GRM6: variants seen among roughly 807,000 people sequenced by gnomAD.
GRM6 encodes the protein metabotropic glutamate receptor 6.
Under a neutral mutation model 78.4 loss-of-function variants are expected in GRM6, and 73 were observed. The ratio of observed to expected loss-of-function variants is 0.93; its 90% CI spans 0.77 to 1.13. The LOEUF (loss-of-function observed/expected upper bound fraction) is 1.13. Among genes scored for constraint, GRM6 ranks in the 50% most tolerant of loss-of-function variants. The pLI, the probability that GRM6 is intolerant of heterozygous loss-of-function variation, is 0.00. For missense variants in GRM6, 1,251 were observed against 1,256.4 expected (o/e 1.00, Z 0.07); for synonymous variants, 580 against 555.0 (o/e 1.05, Z -0.63).
intron 7 of GRM6, 67 bp from the exon 8 acceptor site, chr5:178,987,050 C>A: frequency 6.7e-7 from 1 of 1,502,638 alleles, no homozygotes; most frequent in Non-Finnish European, 9.1e-7. Flanking sequence ...TGGGGAGGCC[C>A]CAGGGACCAG....
In GRM6 at chr5:178,991,145, G is replaced by A. The variant is rs1390157899; in HGVS notation, c.857+279C>T. On this transcript the variant is annotated intron_variant, in intron 4 of 10. Coordinates refer to ENST00000517717, the MANE Select transcript of GRM6 (RefSeq NM_000843.4). This position sits in a 1 kb window ranked among gnomAD's most constrained non-coding sequence, Gnocchi z 5.0. ...CTCCTTCCCTCACAGCTCATTTTCT[G>A]CACTAGGTTCTGCCCACAGGTCCCT... Among the ~76,000 whole-genome samples, 1 of 152,046 alleles carries A rather than the reference G, an allele frequency of 6.6e-6. No homozygotes were observed. Among genetic ancestry groups the A allele is most frequent in the Non-Finnish European group, 1.5e-5 (1 of 68,010 alleles).
rs750288457 is a variant in GRM6 at position 178,986,762 on chromosome 5, C to T, written c.1501-9G>A. ...CACTGCAGGGCCTCCACCTGGGACG[C>T]ACAAAACACAGGCTGGGGCGTCTGC... On this transcript the variant is annotated splice_polypyrimidine_tract_variant and intron_variant, in intron 8 of 10. Coordinates refer to ENST00000517717, the MANE Select transcript of GRM6 (RefSeq NM_000843.4). The T allele has an allele frequency of 3.1e-6, 5 of 1,609,410 alleles. No individual in the cohort carries two copies. The Admixed American group carries it at 6.7e-5, about 21-fold the overall frequency.
chr5:178,985,627 C>CA (rs1554113514), intron 9 of GRM6: 8 of 368,204 alleles, frequency 2.2e-5, no homozygotes, highest in Admixed American at 1.4e-4. Context: ...GGCGTGAACC[C>CA]GGAAGGCAGA....
intron 10 of GRM6, 139 bp downstream of exon 10, chr5:178,982,771 G>A: frequency 1.5e-6 from 1 of 677,874 alleles, no homozygotes; most frequent in Non-Finnish European, 2.7e-6. Flanking sequence ...AATGAACAAA[G>A]TAAGAAGGGA....
Position 178,986,727 on chromosome 5 carries a change from G to A in GRM6, c.1527C>T (p.Asp509=). Reference sequence around the variant, plus strand: ...ACAGAGACGAGGGCACCTCGTGGGGGTCGCCAGACCACTGCAGGGCCTCCA... The same window carrying A: ...ACAGAGACGAGGGCACCTCGTGGGGATCGCCAGACCACTGCAGGGCCTCCA... ...LDVEALQWSG[D]PHEVPSSLCS... is the part of the protein sequence containing the mutation. The change falls in exon 9 of 11, where the codon GAC becomes GAT. Residue 509 remains aspartate, a synonymous_variant. Transcript: ENST00000517717. 6.2e-7 allele frequency: 1 copy of A among 1,605,406 alleles called. No individual in the cohort carries two copies. Among genetic ancestry groups the A allele is most frequent in the Middle Eastern group, 1.7e-4 (1 of 6,058 alleles).
At chr5:178,995,230 G>C (rs1760756392) in intron 1 of GRM6, 46 bp downstream of exon 1, 1 of 164,990 alleles carries the variant, frequency 6.1e-6, no homozygotes, top group Non-Finnish European at 1.3e-5. Flanking sequence ...TCTTCCTCGG[G>C]GTCCATCCCC....
chr5:178,980,599 T>C lies in GRM6; in HGVS notation c.*1058A>G. The C allele has an allele frequency of 6.5e-6, 1 of 154,342 alleles. No individual in the cohort carries two copies. Among genetic ancestry groups the C allele is most frequent in the Non-Finnish European group, 1.5e-5 (1 of 68,152 alleles). The allele number at this position is 154,342 out of a possible 1,614,324, so 9.6% of individuals were successfully genotyped here. On this transcript the variant is annotated 3_prime_UTR_variant, in exon 11 of 11. Coordinates refer to ENST00000517717, the MANE Select transcript of GRM6 (RefSeq NM_000843.4). This position sits in a 1 kb window ranked among gnomAD's most constrained non-coding sequence, Gnocchi z 4.3. ...ATCACTAACATTACACACGTGTATC[T>C]GAATTTCTTCAGGTTTGGGGGTTTT...
chr5:178,984,612 G>C (rs948919432), intron 9 of GRM6, among the ~76,000 whole-genome samples: 5 of 152,126 alleles, frequency 3.3e-5, no homozygotes, highest in Non-Finnish European at 7.3e-5. Context: ...ACCTGAGGGT[G>C]GGGGAGCAGG....
intron 9 of GRM6, chr5:178,985,799 A>G (rs985820132): frequency 3.9e-6 from 2 of 516,064 alleles, no homozygotes; most frequent in African/African-American, 3.9e-5. Context: ...TCTTACTCTG[A>G]CACCCAAGCT....
At position 178,991,592 on chromosome 5, in the gene GRM6, T is replaced by TGCCCCC; in HGVS notation, c.722-34_722-33insGGGGGC. 1 of 1,605,606 alleles carries TGCCCCC rather than the reference T, an allele frequency of 6.2e-7. No individual in the cohort carries two copies. Among genetic ancestry groups the TGCCCCC allele is most frequent in the African/African-American group, 1.3e-5 (1 of 74,740 alleles). The stretch of plus-strand genomic sequence containing the variant: ...TTGGGGGTGCCAGAGTCAGCTTCCG[T>TGCCCCC]CCCACCCACCCACACACCCACCTGG... On this transcript the variant is annotated intron_variant, in intron 3 of 10. Transcript: ENST00000517717. This position sits in a 1 kb window ranked among gnomAD's most constrained non-coding sequence, Gnocchi z 5.0.
At chr5:178,987,086 C>T in intron 7 of GRM6, 103 bp from the exon 8 acceptor site, 6 of 1,167,954 alleles carry the variant, frequency 5.1e-6, no homozygotes, top group Non-Finnish European at 7.4e-6. Flanking sequence ...GCTTAACAAG[C>T]ATCACTGCTC....
rs1760566501 is a variant in GRM6, at chr5:178,986,707, G to C, written c.1547C>G (p.Ser516Cys). 1.9e-6 allele frequency: 3 copies of C among 1,604,640 alleles called. No homozygotes were observed. The highest frequency in any genetic ancestry group is 1.3e-5 in the African/African-American group (1 of 74,932). ...CGGCCCGCAGGGCAGGCTGCACAGA[G>C]ACGAGGGCACCTCGTGGGGGTCGCC... ...WSGDPHEVPS[S>C]LCSLPCGPGE... Residue 516 changes from serine to cysteine, a missense_variant, in exon 9 of 11, where the codon TCT becomes TGT. By Grantham distance (112) the Ser-to-Cys change is moderately radical. Coordinates refer to ENST00000517717, the MANE Select transcript of GRM6 (RefSeq NM_000843.4).
chr5:178,994,747 C>T lies in GRM6; in HGVS notation c.198G>A (p.Val66=), dbSNP rs1207859506. The T allele has an allele frequency of 2.8e-6, 4 of 1,438,676 alleles. No individual in the cohort carries two copies. Among genetic ancestry groups the T allele is most frequent in the Non-Finnish European group, 3.7e-6 (4 of 1,094,078 alleles). The allele number at this position is 1,438,676 out of a possible 1,614,324, so 89.1% of individuals were successfully genotyped here. The change falls in exon 2 of 11, where the codon GTG becomes GTA. Residue 66 remains valine (V), a synonymous_variant. Transcript: ENST00000517717. The stretch of plus-strand genomic sequence containing the variant: ...CGTACAGCATGGCCTCCAGCCGGTG[C>T]ACGCCCTGCTCCTTCTTCAGCTGCC... ...ACGQLKKEQG[V]HRLEAMLYAL...
Position 178,991,298 on chromosome 5 carries a change from A to C in GRM6, c.857+126T>G. 14 of 889,858 alleles carry C rather than the reference A, an allele frequency of 1.6e-5. No individual in the cohort carries two copies. Among genetic ancestry groups the C allele is most frequent in the Non-Finnish European group, 2.0e-5 (11 of 548,744 alleles). The allele number at this position is 889,858 out of a possible 1,614,324, so 55.1% of individuals were successfully genotyped here. ...CCAGACTCAGAGGCAGCAGCAGGGA[A>C]GGTGGGGGGTGCGGGGAGCAGGGGA... On this transcript the variant is annotated intron_variant, in intron 4 of 10. Coordinates refer to ENST00000517717, the MANE Select transcript of GRM6 (RefSeq NM_000843.4). The surrounding 1 kb of genome is among the most constrained non-coding windows in gnomAD (Gnocchi z 5.0).
chr5:178,994,637 G>A lies in GRM6; in HGVS notation c.308C>T (p.Thr103Ile), dbSNP rs1050943290. The A allele has an allele frequency of 1.4e-6, 2 of 1,459,448 alleles. No homozygotes were observed. Among genetic ancestry groups the A allele is most frequent in the Non-Finnish European group, 9.0e-7 (1 of 1,108,380 alleles). The allele number at this position is 1,459,448 out of a possible 1,614,324, so 90.4% of individuals were successfully genotyped here. ...GCTCAGCGCCTGCTCCAGCGCGTAG[G>A]TGTCCCGCGAGCAGGTGTCCAGCAG... ...ARLLDTCSRD[T>I]YALEQALSFV... The change falls in exon 2 of 11, where the codon ACC becomes ATC. Residue 103 changes from threonine to isoleucine, a missense_variant. Transcript: ENST00000517717.
At chr5:178,985,480 G>A (rs1045433892) in intron 9 of GRM6, 11 of 341,482 alleles carry the variant, frequency 3.2e-5, no homozygotes, top group East Asian at 1.7e-4. Context: ...GAGGTGGGCG[G>A]ATCACGAGGT....
intron 9 of GRM6, 141 bp from the exon 10 acceptor site, chr5:178,983,362 C>A (rs1330506012): frequency 1.3e-6 from 1 of 772,062 alleles, no homozygotes; most frequent in Non-Finnish European, 2.2e-6. Flanking sequence ...TGGTGGCTCT[C>A]AGGAGCACTC....
chr5:178,990,615 AG>A lies in GRM6; in HGVS notation c.988del (p.Leu330CysfsTer15), dbSNP rs1760652238. On this transcript the variant is annotated frameshift_variant, in exon 5 of 11. Transcript: ENST00000517717. LOFTEE classifies it high-confidence loss of function. Reference sequence around the variant, plus strand: ...ACCGTCGATGGAGGCCCTTTTGGGCAGGATGGTGATGGCCCCAACGGCCACG... The same window carrying A: ...ACCGTCGATGGAGGCCCTTTTGGGCAGATGGTGATGGCCCCAACGGCCACG... ...EDVAVGAITI[L>X]PKRASIDGFD... The A allele has an allele frequency of 6.2e-7, 1 of 1,613,108 alleles. No individual in the cohort carries two copies. Among genetic ancestry groups the A allele is most frequent in the African/African-American group, 1.3e-5 (1 of 74,944 alleles).
intron 6 of GRM6, 42 bp downstream of exon 6, chr5:178,989,223 C>CAG: frequency 1.2e-5 from 14 of 1,134,312 alleles, no homozygotes; most frequent in Non-Finnish European, 1.7e-5. Context: ...CCTCACCACC[C>CAG]TCCCCACCCT....
Sources: allele counts gnomAD v4.1 joint callset (sites outside exome capture counted in the v4.1 genomes callset), GRCh38; gene constraint gnomAD v4.1.1; non-coding constraint Gnocchi (gnomAD v3.1); transcripts MANE v1.5; gene names NCBI Gene and HGNC (gene_info 2026-07-23, HGNC 2026-07-21).